The following ZNF587 variants were observed in gnomAD, a reference collection of about 807,000 sequenced individuals.
ZNF587 encodes the protein zinc finger protein zfp6.
ZNF587 carries 8 observed loss-of-function variants against 7.5 expected under a neutral mutation model. The observed-to-expected ratio is 1.06, with a 90% CI of 0.62 to 1.92. The LOEUF is 1.92. Among genes scored for constraint, ZNF587 ranks in the 40% most tolerant of loss-of-function variants. ZNF587 has a pLI of 0.00. For missense variants in ZNF587, 468 were observed against 692.8 expected (o/e 0.68, Z 3.64); for synonymous variants, 145 against 237.8 (o/e 0.61, Z 3.59).
chr19:57,856,126 A>C lies in ZNF587; in HGVS notation c.56A>C (p.Asp19Ala). 6.2e-7 allele frequency: 1 copy of C among 1,613,264 alleles called. No individual in the cohort carries two copies. The highest frequency in any genetic ancestry group is 8.5e-7 in the Non-Finnish European group (1 of 1,179,726). ...TAGCAGGGCACTGTGACCTTTGAAG[A>C]TGTGGCTGTGAACTTTTCCCAGGAG... The part of the protein sequence containing the change: ...PTQQGTVTFE[D>A]VAVNFSQEEW... The change falls in exon 2 of 3, where the codon GAT becomes GCT. Residue 19 changes from aspartate to alanine, a missense_variant. Around this residue, in one of 5 missense-constraint regions of ZNF587, gnomAD observed 92 missense variants for 89.7 expected, o/e 1.03. Transcript: ENST00000339656.
At chr19:57,856,282 C>G (rs1425948602) in intron 2 of ZNF587, 49 bp downstream of exon 2, 3 of 1,530,994 alleles carry the variant, frequency 2.0e-6, no homozygotes, top group African/African-American at 2.8e-5. Flanking sequence ...GTTACTGTTC[C>G]CCTGTTTTTC....
intron 2 of ZNF587, chr19:57,858,236 C>T (rs539846170): frequency 2.7e-5 from 8 of 293,286 alleles, no homozygotes; most frequent in Non-Finnish European, 5.1e-5. Context: ...AAATGATTCT[C>T]CTGCTTTAGC....
intron 1 of ZNF587, among the ~76,000 whole-genome samples, chr19:57,852,962 C>A (rs1335925205): frequency 6.9e-6 from 1 of 144,628 alleles, no homozygotes; most frequent in East Asian, 2.1e-4. Context: ...AAGTGATTCT[C>A]CTGCCTCAGC....
chr19:57,852,312 G>A lies in ZNF587; in HGVS notation c.33+2241G>A, dbSNP rs544266784. 513 of 398,530 alleles carry A rather than the reference G, an allele frequency of 1.3e-3. 2 individuals are homozygous for A. The highest frequency in any genetic ancestry group is 9.8e-3 in the African/African-American group (479 of 48,732). The allele number at this position is 398,530 out of a possible 1,614,324, so 24.7% of individuals were successfully genotyped here. On this transcript the variant is annotated intron_variant, in intron 1 of 2. Transcript: ENST00000339656. ...GTTGTGAAATGCTTAGAGATAAAAC[G>A]GATCAAAGTCAGGAGGTGATATTAC... is the stretch of plus-strand genomic sequence containing the variant.
chr19:57,860,427 C>T lies in ZNF587; in HGVS notation c.*287C>T, dbSNP rs1303008089. The stretch of plus-strand genomic sequence containing the variant: ...GGGATTATGAGTACACACCACCACG[C>T]CCAGCTAATTTTTGTGTTTTTAGTG... On this transcript the variant is annotated 3_prime_UTR_variant, in exon 3 of 3. Coordinates refer to ENST00000339656, the MANE Select transcript of ZNF587 (RefSeq NM_032828.4). 2 of 471,972 alleles carry T rather than the reference C, an allele frequency of 4.2e-6. No homozygotes were observed. The highest frequency in any genetic ancestry group is 3.7e-5 in the Admixed American group (1 of 27,148). 29.2% of individuals were successfully genotyped at this position (471,972 alleles called of 1,614,324 possible).
rs568890986 is a variant in ZNF587, at chr19:57,860,607, C to T, written c.*467C>T. On this transcript the variant is annotated 3_prime_UTR_variant, in exon 3 of 3. Transcript: ENST00000339656. ...ATTGCTTAGAATATGACATGCTGAA[C>T]CAGGCATGGTGGCTCATGCTTGTAA... The T allele has an allele frequency of 1.1e-5, 2 of 183,682 alleles. No homozygotes were observed. Among genetic ancestry groups the T allele is most frequent in the East Asian group, 1.4e-4 (1 of 7,220 alleles). The allele number at this position is 183,682 out of a possible 1,614,324, so 11.4% of individuals were successfully genotyped here. A position where few individuals can be genotyped will look rare whatever the true frequency, so the allele number is the denominator to read the frequency against.
rs2071407993 is a variant in ZNF587, at chr19:57,859,438, T to C, written c.1026T>C (p.His342=). The C allele has an allele frequency of 1.9e-6, 3 of 1,611,500 alleles. No homozygotes were observed. In the Admixed American group the frequency reaches 5.0e-5, roughly 27 times the overall value. ...SFGQKGNLIQ[H]QQGHTGERAY... ...GTCAAAAGGGTAACCTCATTCAACA[T>C]CAGCAAGGTCACACTGGAGAGAGAG... Residue 342 remains histidine, a synonymous_variant, in exon 3 of 3, where the codon CAT becomes CAC. Coordinates refer to ENST00000339656, the MANE Select transcript of ZNF587 (RefSeq NM_032828.4).
Position 57,852,840 on chromosome 19 carries a change from C to CTTTTTTT in ZNF587, c.33+2793_33+2799dup, listed in dbSNP as rs35543941. Among the ~76,000 whole-genome samples the CTTTTTTT allele has an allele frequency of 1.5e-3, 39 of 25,282 alleles. 11 individuals carry two copies. Among genetic ancestry groups the CTTTTTTT allele is most frequent in the African/African-American group, 3.6e-3 (19 of 5,334 alleles). The allele number at this position is 25,282 out of a possible 152,430, so 16.6% of individuals were successfully genotyped here. On this transcript the variant is annotated intron_variant, in intron 1 of 2. Coordinates refer to ENST00000339656, the MANE Select transcript of ZNF587 (RefSeq NM_032828.4). The stretch of plus-strand genomic sequence containing the variant: ...AATGCGCCCAGCCGAGACAGCTAGG[C>CTTTTTTT]TTTTTTTTTTTTTTTTTTTTTTTTT...
At chr19:57,852,263 G>T (rs1433498084) in intron 1 of ZNF587, 1 of 398,226 alleles carries the variant, frequency 2.5e-6, no homozygotes. Context: ...ACCCTTGTAA[G>T]ATTAACCCAG....
chr19:57,859,763 C>A lies in ZNF587; in HGVS notation c.1351C>A (p.Leu451Ile). 6.2e-7 allele frequency: 1 copy of A among 1,613,196 alleles called. No homozygotes were observed. The highest frequency in any genetic ancestry group is 8.5e-7 in the Non-Finnish European group (1 of 1,179,748). ...GAAATTATTTAACAGGAAGTATCAT[C>A]TTCTGGTTCATGAGAGAGTTCACAC... ...CGKLFNRKYH[L>I]LVHERVHTGE... is the part of the protein sequence containing the mutation. Residue 451 changes from leucine (L) to isoleucine (I), a missense_variant, in exon 3 of 3, where the codon CTT (leucine) becomes ATT (isoleucine). Leu to Ile is a conservative substitution (Grantham distance 5, BLOSUM62 2). This residue lies in a region of ZNF587 where 310 missense variants were observed against 325.6 expected (regional missense o/e 0.95). Transcript: ENST00000339656.
chr19:57,854,728 C>T (rs530627642), intron 1 of ZNF587, among the ~76,000 whole-genome samples: 1 of 152,148 alleles, frequency 6.6e-6, no homozygotes, highest in African/African-American at 2.4e-5. Context: ...GTTATACCCT[C>T]TTCATCTTGT....
At chr19:57,857,553 A>G (rs2071375097) in intron 2 of ZNF587, among the ~76,000 whole-genome samples, 1 of 151,400 alleles carries the variant, frequency 6.6e-6, no homozygotes, top group Admixed American at 6.6e-5. Flanking sequence ...TGTTGTACTC[A>G]TGTTTTCTTG....
chr19:57,854,375 T>C (rs1305924520), intron 1 of ZNF587, among the ~76,000 whole-genome samples: 2 of 152,030 alleles, frequency 1.3e-5, no homozygotes, highest in Non-Finnish European at 2.9e-5. Context: ...TTACCACTGC[T>C]ATTGTAAACC....
At chr19:57,856,931 C>T (rs2071363685) in intron 2 of ZNF587, 1 of 151,968 alleles carries the variant, frequency 6.6e-6, no homozygotes, top group Admixed American at 6.6e-5. Context: ...GAATTGCCTT[C>T]ATTGACATTG....
rs1167743413 is a variant in ZNF587 at position 57,861,625 on chromosome 19, G to A, written c.*1485G>A. The A allele has an allele frequency of 6.6e-6, 1 of 152,058 alleles. No individual in the cohort carries two copies. Among genetic ancestry groups the A allele is most frequent in the Non-Finnish European group, 1.5e-5 (1 of 68,020 alleles). 9.4% of individuals were successfully genotyped at this position (152,058 alleles called of 1,614,324 possible). A position where few individuals can be genotyped will look rare whatever the true frequency, so the allele number is the denominator to read the frequency against. The stretch of plus-strand genomic sequence containing the variant: ...CTACAGGGGTGAGGCACCCTGCCTG[G>A]CCTCACCTGTAGGCTTGTTTTTTAA... On this transcript the variant is annotated 3_prime_UTR_variant, in exon 3 of 3. Coordinates refer to ENST00000339656, the MANE Select transcript of ZNF587 (RefSeq NM_032828.4).
Position 57,862,415 on chromosome 19 carries a change from G to A in ZNF587, c.*2275G>A, listed in dbSNP as rs2071444619. On this transcript the variant is annotated 3_prime_UTR_variant, in exon 3 of 3. Transcript: ENST00000339656. ...GAGATTTATGTGTTCTGAGGCTTTT[G>A]TCTTCTAGCTACTTACTTCATTCTC... 1 of 152,150 alleles carries A rather than the reference G, an allele frequency of 6.6e-6. No homozygotes were observed. The highest frequency in any genetic ancestry group is 1.5e-5 in the Non-Finnish European group (1 of 68,042). The allele number at this position is 152,150 out of a possible 1,614,324, so 9.4% of individuals were successfully genotyped here. A position where few individuals can be genotyped will look rare whatever the true frequency, so the allele number is the denominator to read the frequency against.
At position 57,860,892 on chromosome 19, in the gene ZNF587, C is replaced by CTT. The variant is rs1289594197; in HGVS notation, c.*753_*754insTT. On this transcript the variant is annotated 3_prime_UTR_variant, in exon 3 of 3. Transcript: ENST00000339656. Reference sequence around the variant, plus strand: ...CTCTTTTTTGAGACAGAGTCTCACTCTGTCACCCAGGCGGGAGTTAGGTGG... The same window carrying CTT: ...CTCTTTTTTGAGACAGAGTCTCACTCTTTGTCACCCAGGCGGGAGTTAGGTGG... 6.6e-6 allele frequency: 1 copy of CTT among 152,226 alleles called. No homozygotes were observed. Among genetic ancestry groups the CTT allele is most frequent in the Non-Finnish European group, 1.5e-5 (1 of 68,076 alleles). 9.4% of individuals were successfully genotyped at this position (152,226 alleles called of 1,614,324 possible).
At position 57,864,256 on chromosome 19, in the gene ZNF587, C is replaced by T. The variant is rs1417603434; in HGVS notation, c.*4116C>T. ...TCAAGTGATTCTCTTGCCTCAGCCT[C>T]CCGAGTAGCTGGGCCTATAGGTTCC... On this transcript the variant is annotated 3_prime_UTR_variant, in exon 3 of 3. Transcript: ENST00000339656. 1 of 150,554 alleles carries T rather than the reference C, an allele frequency of 6.6e-6. No individual in the cohort carries two copies. Among genetic ancestry groups the T allele is most frequent in the African/African-American group, 2.4e-5 (1 of 40,860 alleles). The allele number at this position is 150,554 out of a possible 1,614,324, so 9.3% of individuals were successfully genotyped here.
chr19:57,849,979 G>A lies in ZNF587; in HGVS notation c.-60G>A, dbSNP rs577165076. On this transcript the variant is annotated 5_prime_UTR_variant, in exon 1 of 3. Transcript: ENST00000339656. ...GGAATCGTCCTCGGTGCCCAGAGGC[G>A]GCTCTGCAGCCCCGTGACGGCGACC... is the stretch of plus-strand genomic sequence containing the variant. The A allele has an allele frequency of 5.4e-4, 875 of 1,613,692 alleles. 3 individuals carry two copies. The highest frequency in any genetic ancestry group is 7.2e-4 in the Non-Finnish European group (851 of 1,179,968).
Sources: allele counts gnomAD v4.1 joint callset (sites outside exome capture counted in the v4.1 genomes callset), GRCh38; gene constraint gnomAD v4.1.1; regional missense constraint gnomAD v4.1.1; transcripts MANE v1.5; gene names NCBI Gene and HGNC (gene_info 2026-07-23, HGNC 2026-07-21).